FYB2: variants seen among roughly 807,000 people sequenced by gnomAD.
The protein encoded by FYB2 is FYN-binding protein 2.
In FYB2, 103 loss-of-function variants were observed where a neutral mutation model predicts 94.1. That is an observed-to-expected ratio of 1.09 (90% CI 0.93 to 1.29). The LOEUF (loss-of-function observed/expected upper bound fraction) is 1.29, where lower values mean the gene tolerates loss of function less well. Ranked by LOEUF, FYB2 falls within the 50% of genes most tolerant of loss-of-function variation. The pLI is 0.00. For synonymous variants in FYB2, 293 were observed against 287.9 expected (o/e 1.02, Z -0.18); for missense variants, 896 against 841.5 (o/e 1.06, Z -0.80).
At chr1:56,769,026 T>C (rs1455114944) in intron 4 of FYB2, among the ~76,000 whole-genome samples, 1 of 152,000 alleles carries the variant, frequency 6.6e-6, no homozygotes, top group Non-Finnish European at 1.5e-5. Flanking sequence ...TGGTGAATTA[T>C]TATCATTAGT....
chr1:56,723,658 T>G lies in FYB2; in HGVS notation c.1904A>C (p.Lys635Thr), dbSNP rs760602803. ...SESFSPRNFFKTKKQNLEKNR... is the reference protein window; with the variant it reads ...SESFSPRNFFTTKKQNLEKNR... ...CTTTTCTAAGTTTTGCTTCTTGGTT[T>G]TGAAGAAATTTCTAGGAGAGAAACT... Residue 635 changes from lysine (K) to threonine (T), a missense_variant, in exon 17 of 20, where the codon AAA (lysine) becomes ACA (threonine). By Grantham distance (78) the Lys-to-Thr change is moderately conservative (BLOSUM62 -1). Coordinates refer to ENST00000343433, the MANE Select transcript of FYB2 (RefSeq NM_001004303.5). 2 of 1,562,950 alleles carry G rather than the reference T, an allele frequency of 1.3e-6. No homozygotes were observed. Among genetic ancestry groups the G allele is most frequent in the Admixed American group, 3.4e-5 (2 of 58,320 alleles).
chr1:56,751,258 C>A (rs1394330158), intron 8 of FYB2, 55 bp from the exon 9 acceptor site: 19 of 1,521,946 alleles, frequency 1.2e-5, no homozygotes, highest in African/African-American at 6.9e-5. Context: ...CTAATCAGTT[C>A]TTTGCTTACT....
At chr1:56,784,797 T>A (rs1646095700) in intron 4 of FYB2, among the ~76,000 whole-genome samples, 1 of 152,144 alleles carries the variant, frequency 6.6e-6, no homozygotes, top group Admixed American at 6.5e-5. Context: ...CAACTACATC[T>A]CAGATCAACT....
At chr1:56,822,264 G>T (rs1012363869), upstream of FYB2, among the ~76,000 whole-genome samples, 1 of 152,194 alleles carries the variant, frequency 6.6e-6, no homozygotes, top group Non-Finnish European at 1.5e-5. Context: ...TTCAATCCAG[G>T]AAGGCTGACT....
At position 56,788,965 on chromosome 1, in the gene FYB2, T is replaced by C; in HGVS notation, c.919+8A>G. ...TGGCCTTGTGTAGGGCCCTGTGCAT[T>C]TCCTTACCTTCCCCCTGAGTCTTGG... On this transcript the variant is annotated splice_region_variant and intron_variant, in intron 3 of 19. Coordinates refer to ENST00000343433, the MANE Select transcript of FYB2 (RefSeq NM_001004303.5). 1 of 1,613,932 alleles carries C rather than the reference T, an allele frequency of 6.2e-7. No individual in the cohort carries two copies. The highest frequency in any genetic ancestry group is 2.2e-5 in the East Asian group (1 of 44,862).
In FYB2 at chr1:56,755,912, G is replaced by C; in HGVS notation, c.1114C>G (p.Pro372Ala). 7 of 1,608,940 alleles carry C rather than the reference G, an allele frequency of 4.4e-6. No individual in the cohort carries two copies. Among genetic ancestry groups the C allele is most frequent in the Non-Finnish European group, 6.0e-6 (7 of 1,175,920 alleles). Residue 372 changes from proline (P) to alanine (A), a missense_variant, in exon 7 of 20, where the codon CCC (proline) becomes GCC (alanine). Coordinates refer to ENST00000343433, the MANE Select transcript of FYB2 (RefSeq NM_001004303.5). ...AAAACTCACCTAGGTTCTGGATAGG[G>C]AAAATTCTTCCCAGGCTGAAAGTAA... ...EELQKPGKNF[P>A]YPEPSAKHED...
intron 14 of FYB2, chr1:56,737,414 T>C (rs1364014547): frequency 1.8e-5 from 5 of 277,680 alleles, no homozygotes; most frequent in African/African-American, 4.5e-5. Flanking sequence ...TGCTTTTACA[T>C]AGAGTTCCAG....
chr1:56,758,605 G>A (rs781057353), intron 6 of FYB2, 111 bp downstream of exon 6: 19 of 828,640 alleles, frequency 2.3e-5, no homozygotes, highest in Non-Finnish European at 3.2e-5. Context: ...TCAGAAATAG[G>A]AGGAAAAATG....
At chr1:56,730,838 A>G (rs1008492921) in intron 15 of FYB2, among the ~76,000 whole-genome samples, 3 of 152,130 alleles carry the variant, frequency 2.0e-5, no homozygotes, top group African/African-American at 4.8e-5. Flanking sequence ...CGAAAAAGAA[A>G]ATTACAGGTC....
At chr1:56,794,141 C>G (rs915608340) in intron 1 of FYB2, among the ~76,000 whole-genome samples, 1 of 152,176 alleles carries the variant, frequency 6.6e-6, no homozygotes, top group African/African-American at 2.4e-5. Flanking sequence ...GCTCTTCCCT[C>G]TAAATTCAGC....
chr1:56,733,275 T>C (rs1209218533), intron 15 of FYB2, among the ~76,000 whole-genome samples: 1 of 152,164 alleles, frequency 6.6e-6, no homozygotes, highest in East Asian at 1.9e-4. Context: ...TTGGTGGTGA[T>C]ATCCCCTTTA....
chr1:56,760,570 T>C (rs970887394), intron 5 of FYB2, among the ~76,000 whole-genome samples: 3 of 152,184 alleles, frequency 2.0e-5, no homozygotes, highest in Non-Finnish European at 2.9e-5. Context: ...GATATGAATT[T>C]GCTTTCCAAT....
the FYB2 span, chr1:56,825,150 T>C: frequency 1.3e-5 from 2 of 152,204 alleles, no homozygotes; most frequent in Admixed American, 6.5e-5. Context: ...TAATCACCTA[T>C]ATAAACATTT....
chr1:56,754,824 G>A (rs911760724), intron 7 of FYB2, among the ~76,000 whole-genome samples: 1 of 152,104 alleles, frequency 6.6e-6, no homozygotes, highest in Non-Finnish European at 1.5e-5. Context: ...CATCTGAAGA[G>A]TAAAAGCTCA....
intron 4 of FYB2, among the ~76,000 whole-genome samples, chr1:56,778,711 C>CAT (rs1645939851): frequency 6.6e-6 from 1 of 152,102 alleles, no homozygotes; most frequent in African/African-American, 2.4e-5. Context: ...AAAGCAGAAT[C>CAT]ATATATGAAA....
At position 56,792,300 on chromosome 1, in the gene FYB2, C is replaced by T; in HGVS notation, c.513G>A (p.Gly171=). 5 of 1,613,422 alleles carry T rather than the reference C, an allele frequency of 3.1e-6. No homozygotes were observed. Among genetic ancestry groups the T allele is most frequent in the Non-Finnish European group, 4.2e-6 (5 of 1,179,854 alleles). ...CTGGAGTAAGCCCCATGCCTTTTTGCCCTTCCAGATGGATGGCCTTACTTC... is the reference window on the plus strand; with the variant it reads ...CTGGAGTAAGCCCCATGCCTTTTTGTCCTTCCAGATGGATGGCCTTACTTC... The part of the protein sequence containing the change: ...NYGSKAIHLE[G]QKGMGLTPEE... The change falls in exon 2 of 20, where the codon GGG becomes GGA. Residue 171 remains glycine, a synonymous_variant. Transcript: ENST00000343433.
intron 4 of FYB2, among the ~76,000 whole-genome samples, chr1:56,768,812 C>T (rs1236905959): frequency 6.6e-6 from 1 of 151,694 alleles, no homozygotes; most frequent in Non-Finnish European, 1.5e-5. Context: ...ATAACATGAA[C>T]GTTAATTTAA....
At chr1:56,820,662 A>G (rs1273194323), upstream of FYB2, among the ~76,000 whole-genome samples, 2 of 152,256 alleles carry the variant, frequency 1.3e-5, no homozygotes, top group Non-Finnish European at 2.9e-5. Context: ...CTGGGAATCT[A>G]TCAAAAATAC....
At position 56,719,429 on chromosome 1, in the gene FYB2, C is replaced by T; in HGVS notation, c.*242G>A. The T allele has an allele frequency of 2.2e-6, 1 of 457,872 alleles. No individual in the cohort carries two copies. The highest frequency in any genetic ancestry group is 3.9e-6 in the Non-Finnish European group (1 of 258,760). 28.4% of individuals were successfully genotyped at this position (457,872 alleles called of 1,614,324 possible). On this transcript the variant is annotated 3_prime_UTR_variant, in exon 20 of 20. Transcript: ENST00000343433. ...GCTAACACATACTGTTTCACATTCT[C>T]TTGAACTGACAGTGAAGTAGATACT...
Sources: gnomAD v4.1 joint callset for allele counts (sites outside exome capture counted in the v4.1 genomes callset) on GRCh38, gnomAD v4.1.1 for gene constraint, MANE v1.5 for transcripts, NCBI Gene and HGNC (gene_info 2026-07-23, HGNC 2026-07-21) for gene names.